The following SRD5A1 variants were observed in gnomAD, a reference collection of about 807,000 sequenced individuals.
The protein encoded by SRD5A1 is 3-oxo-5-alpha-steroid 4-dehydrogenase 1.
In SRD5A1, 22 loss-of-function variants were observed where a neutral mutation model predicts 28.2. The ratio of observed to expected loss-of-function variants is 0.78; its 90% CI spans 0.56 to 1.12. The LOEUF is 1.12. Ranked by LOEUF, SRD5A1 falls within the 50% of genes most tolerant of loss-of-function variation. SRD5A1 has a pLI of 0.00. For synonymous variants in SRD5A1, 151 were observed against 135.0 expected, an observed-to-expected ratio of 1.12 and a Z score of -0.82; for missense variants, 300 against 346.7, an observed-to-expected ratio of 0.87 and a Z score of 1.07.
chr5:6,649,325 G>A (rs529255788), intron 1 of SRD5A1, among the ~76,000 whole-genome samples: 36 of 152,176 alleles, frequency 2.4e-4, no homozygotes, highest in Non-Finnish European at 2.4e-4. Context: ...GCCCAGAGCC[G>A]CCCCCTCCCC....
chr5:6,668,358 T>C lies in SRD5A1; in HGVS notation c.*90T>C, dbSNP rs1438588956. The C allele has an allele frequency of 2.5e-6, 2 of 809,472 alleles. No individual in the cohort carries two copies. The highest frequency in any genetic ancestry group is 3.6e-5 in the African/African-American group (2 of 56,006). 50.1% of individuals were successfully genotyped at this position (809,472 alleles called of 1,614,324 possible). On this transcript the variant is annotated 3_prime_UTR_variant, in exon 5 of 5. Transcript: ENST00000274192. Reference sequence around the variant, plus strand: ...TAAATAAGTTATATCTTTGTAATTTTCCTGCTACTTTATCATTTTCAAGAT... The same window carrying C: ...TAAATAAGTTATATCTTTGTAATTTCCCTGCTACTTTATCATTTTCAAGAT...
chr5:6,656,568 A>G (rs1167999411), intron 3 of SRD5A1, among the ~76,000 whole-genome samples: 1 of 152,234 alleles, frequency 6.6e-6, no homozygotes. Flanking sequence ...ACGCATCAGT[A>G]TACTATCAAG....
At position 6,668,359 on chromosome 5, in the gene SRD5A1, C is replaced by T; in HGVS notation, c.*91C>T. On this transcript the variant is annotated 3_prime_UTR_variant, in exon 5 of 5. Coordinates refer to ENST00000274192, the MANE Select transcript of SRD5A1 (RefSeq NM_001047.4). ...AAATAAGTTATATCTTTGTAATTTT[C>T]CTGCTACTTTATCATTTTCAAGATG... The T allele has an allele frequency of 2.5e-6, 2 of 802,422 alleles. No individual in the cohort carries two copies. The highest frequency in any genetic ancestry group is 3.8e-6 in the Non-Finnish European group (2 of 520,960). The allele number at this position is 802,422 out of a possible 1,614,324, so 49.7% of individuals were successfully genotyped here.
chr5:6,663,585 C>G (rs1053469022), intron 4 of SRD5A1, among the ~76,000 whole-genome samples: 3 of 152,212 alleles, frequency 2.0e-5, no homozygotes, highest in African/African-American at 7.2e-5. Context: ...AGGGACTGGG[C>G]GCGGTGGCTC....
chr5:6,653,517 A>G (rs1227376102), intron 2 of SRD5A1: 1 of 152,204 alleles, frequency 6.6e-6, no homozygotes, highest in Non-Finnish European at 1.5e-5. Flanking sequence ...CTGAGGCAGA[A>G]AGGATGTCCC....
At chr5:6,648,159 A>G (rs1417817845) in intron 1 of SRD5A1, among the ~76,000 whole-genome samples, 2 of 152,262 alleles carry the variant, frequency 1.3e-5, no homozygotes, top group East Asian at 1.9e-4. Flanking sequence ...TGTTAGTCTG[A>G]TGGGCTTCCC....
At chr5:6,666,947 G>A (rs1739202262) in intron 4 of SRD5A1, among the ~76,000 whole-genome samples, 3 of 152,218 alleles carry the variant, frequency 2.0e-5, no homozygotes. Context: ...CCCACGGGCA[G>A]TTTCTGGGAG....
chr5:6,656,759 A>ACT (rs1201244354), intron 3 of SRD5A1, among the ~76,000 whole-genome samples: 1 of 151,950 alleles, frequency 6.6e-6, no homozygotes, highest in Non-Finnish European at 1.5e-5. Context: ...GTAGTGGTGG[A>ACT]CTCTCCTGGC....
chr5:6,656,227 T>C (rs1738830004), intron 3 of SRD5A1, 48 bp downstream of exon 3: 5 of 1,493,088 alleles, frequency 3.3e-6, no homozygotes, highest in Middle Eastern at 1.7e-4. Context: ...TTGCCATGGT[T>C]CCTGGCTATT....
intron 1 of SRD5A1, among the ~76,000 whole-genome samples, chr5:6,646,033 C>A (rs1007779459): frequency 5.3e-5 from 8 of 152,092 alleles, no homozygotes; most frequent in African/African-American, 1.9e-4. Context: ...TGTGATGTTC[C>A]CCTCCCTGCG....
At chr5:6,664,481 T>C (rs767284400) in intron 4 of SRD5A1, among the ~76,000 whole-genome samples, 1 of 152,178 alleles carries the variant, frequency 6.6e-6, no homozygotes, top group Non-Finnish European at 1.5e-5. Context: ...CTCAGCTCAC[T>C]GCCACCTCTG....
chr5:6,662,256 C>T (rs939112385), intron 3 of SRD5A1, among the ~76,000 whole-genome samples: 2 of 152,224 alleles, frequency 1.3e-5, no homozygotes, highest in African/African-American at 4.8e-5. Flanking sequence ...GCTCCGGGGC[C>T]CCCTCACTCT....
chr5:6,646,370 T>C (rs1738511345), intron 1 of SRD5A1, among the ~76,000 whole-genome samples: 1 of 152,160 alleles, frequency 6.6e-6, no homozygotes, highest in Non-Finnish European at 1.5e-5. Flanking sequence ...AGTAACGGGA[T>C]TGCTGGGGCA....
At chr5:6,651,810 T>TA in intron 1 of SRD5A1, 32 bp from the exon 2 acceptor site, 1 of 1,553,954 alleles carries the variant, frequency 6.4e-7, no homozygotes, top group East Asian at 2.3e-5. Flanking sequence ...TTTAATTTTT[T>TA]AAAAAATTGT....
intron 1 of SRD5A1, among the ~76,000 whole-genome samples, chr5:6,644,566 T>C (rs1475015275): frequency 6.6e-6 from 1 of 152,178 alleles, no homozygotes; most frequent in Non-Finnish European, 1.5e-5. Flanking sequence ...AGTGGGCTGC[T>C]TGCTCTTGGT....
intron 1 of SRD5A1, among the ~76,000 whole-genome samples, chr5:6,640,998 T>C (rs1329986078): frequency 1.3e-5 from 2 of 152,184 alleles, no homozygotes; most frequent in Non-Finnish European, 2.9e-5. Flanking sequence ...GGAAGGGTGA[T>C]TTTGGGTGCG....
At chr5:6,668,102 C>T in intron 4 of SRD5A1, 100 bp from the exon 5 acceptor site, 2 of 717,372 alleles carry the variant, frequency 2.8e-6, no homozygotes, top group Admixed American at 3.1e-5. Context: ...ATTTAAAAAA[C>T]TGAGTACTCT....
intron 2 of SRD5A1, among the ~76,000 whole-genome samples, chr5:6,654,777 G>T (rs971578300): frequency 2.0e-5 from 3 of 152,234 alleles, no homozygotes; most frequent in African/African-American, 4.8e-5. Flanking sequence ...TAGCTTAGAT[G>T]AACACAAGTA....
chr5:6,667,209 A>T (rs181908580), intron 4 of SRD5A1, among the ~76,000 whole-genome samples: 124 of 152,360 alleles, frequency 8.1e-4, no homozygotes, highest in African/African-American at 3.0e-3. Context: ...GAAAGGCTGC[A>T]GTCTCGAGGC....
Sources: allele counts gnomAD v4.1 joint callset (sites outside exome capture counted in the v4.1 genomes callset), GRCh38; gene constraint gnomAD v4.1.1; transcripts MANE v1.5; gene names NCBI Gene and HGNC (gene_info 2026-07-23, HGNC 2026-07-21).